NAP1L1: variants seen among roughly 807,000 people sequenced by gnomAD.
NAP1L1 encodes nucleosome assembly protein 1 like 1, also known as nucleosome assembly protein 1-like 1.
In NAP1L1, 9 loss-of-function variants were observed where a neutral mutation model predicts 58.9. That is an observed-to-expected ratio of 0.15 (90% confidence interval 0.09 to 0.27). The LOEUF (loss-of-function observed/expected upper bound fraction) is 0.27. NAP1L1 is among the 10% of genes least tolerant of loss of function. The pLI is 1.00. For missense variants in NAP1L1, 302 were observed against 458.8 expected, an observed-to-expected ratio of 0.66 and a Z score of 3.12; for synonymous variants, 130 against 138.3, an observed-to-expected ratio of 0.94 and a Z score of 0.42.
In NAP1L1 at chr12:76,060,118, AAAG is replaced by A. The variant is rs1363893947; in HGVS notation, c.348+17_348+19del. ...CGTCTTCTAGAATGTTAAATTAAAC[AAAG>A]TAGGAGAAAGCATTACCTTATCAAA... On this transcript the variant is annotated intron_variant, in intron 5 of 14. Transcript: ENST00000618691. The A allele has an allele frequency of 6.3e-7, 1 of 1,593,456 alleles. No individual in the cohort carries two copies. The highest frequency in any genetic ancestry group is 8.5e-7 in the Non-Finnish European group (1 of 1,175,374).
At chr12:76,081,994 A>G (rs953586669) in intron 1 of NAP1L1, among the ~76,000 whole-genome samples, 1 of 152,192 alleles carries the variant, frequency 6.6e-6, no homozygotes, top group Non-Finnish European at 1.5e-5. Context: ...TGCTCATGAC[A>G]TAAGATACAT....
At position 76,057,780 on chromosome 12, in the gene NAP1L1, T is replaced by C. The variant is rs765218441; in HGVS notation, c.430-1619A>G. On this transcript the variant is annotated intron_variant, in intron 6 of 14. Coordinates refer to ENST00000618691, the MANE Select transcript of NAP1L1 (RefSeq NM_004537.7). ...CACCCAAACAAGAAGCTGGAATCTG[T>C]CAAGGTCAAGGAACAGCAGGGGAAG... 1.1e-5 allele frequency: 17 copies of C among 1,551,022 alleles called. 1 individual carries two copies. In the South Asian group the frequency reaches 1.9e-4, roughly 17 times the overall value.
chr12:76,058,772 G>A (rs1374093213), intron 6 of NAP1L1, among the ~76,000 whole-genome samples: 5 of 152,124 alleles, frequency 3.3e-5, no homozygotes, highest in African/African-American at 7.2e-5. Context: ...ATCTAAAGCT[G>A]AGTGATTTTT....
At chr12:76,059,977 A>T (rs1949328375) in intron 5 of NAP1L1, 99 bp from the exon 6 acceptor site, 1 of 1,202,922 alleles carries the variant, frequency 8.3e-7, no homozygotes, top group Non-Finnish European at 1.2e-6. Flanking sequence ...TAACAAATGC[A>T]TACCACAACT....
At chr12:76,066,912 G>A (rs182357588) in intron 4 of NAP1L1, among the ~76,000 whole-genome samples, 7 of 151,948 alleles carry the variant, frequency 4.6e-5, no homozygotes, top group Admixed American at 6.6e-5. Context: ...AAAACACAGC[G>A]AACACATACC....
intron 6 of NAP1L1, chr12:76,057,770 C>T: frequency 1.3e-6 from 2 of 1,550,700 alleles, no homozygotes; most frequent in South Asian, 1.2e-5. Flanking sequence ...AAACAAGAAG[C>T]TGGAATCTGT....
chr12:76,076,731 C>A (rs1950197060), intron 1 of NAP1L1, among the ~76,000 whole-genome samples: 1 of 151,922 alleles, frequency 6.6e-6, no homozygotes, highest in Admixed American at 6.6e-5. Flanking sequence ...CCATTACAGT[C>A]ATGTGTGGAT....
At chr12:76,081,905 G>C (rs1199177158) in intron 1 of NAP1L1, among the ~76,000 whole-genome samples, 3 of 152,104 alleles carry the variant, frequency 2.0e-5, no homozygotes, top group Admixed American at 6.5e-5. Flanking sequence ...ATTACTCTTT[G>C]ACCCCTTTAC....
chr12:76,053,680 T>C (rs1948943836), intron 9 of NAP1L1, 90 bp downstream of exon 9: 1 of 1,428,534 alleles, frequency 7.0e-7, no homozygotes, highest in South Asian at 1.3e-5. Context: ...ACAGACTATG[T>C]ACATATGTAA....
intron 2 of NAP1L1, chr12:76,073,988 T>G: frequency 2.2e-6 from 1 of 450,468 alleles, no homozygotes; most frequent in South Asian, 4.5e-5. Context: ...AATGGTTTAG[T>G]ATATACGATG....
intron 2 of NAP1L1, 139 bp from the exon 3 acceptor site, chr12:76,069,133 T>C (rs1253880738): frequency 4.7e-6 from 3 of 644,152 alleles, no homozygotes; most frequent in African/African-American, 3.6e-5. Context: ...AATTCCGTTT[T>C]CTAACTTCAT....
In NAP1L1 at chr12:76,060,133, A is replaced by G. The variant is rs963831759; in HGVS notation, c.348+5T>C. On this transcript the variant is annotated splice_donor_5th_base_variant and intron_variant, in intron 5 of 14. Coordinates refer to ENST00000618691, the MANE Select transcript of NAP1L1 (RefSeq NM_004537.7). Reference sequence around the variant, plus strand: ...TAAATTAAACAAAGTAGGAGAAAGCATTACCTTATCAAATAGAGGCTGATA... The same window carrying G: ...TAAATTAAACAAAGTAGGAGAAAGCGTTACCTTATCAAATAGAGGCTGATA... 1 of 1,610,726 alleles carries G rather than the reference A, an allele frequency of 6.2e-7. No individual in the cohort carries two copies. The highest frequency in any genetic ancestry group is 8.5e-7 in the Non-Finnish European group (1 of 1,178,658).
At chr12:76,078,195 G>C (rs752240837) in intron 1 of NAP1L1, among the ~76,000 whole-genome samples, 2 of 151,958 alleles carry the variant, frequency 1.3e-5, no homozygotes, top group Non-Finnish European at 2.9e-5. Context: ...TTTAACCAAA[G>C]TTAAAATTCT....
chr12:76,053,787 T>C lies in NAP1L1; in HGVS notation c.753A>G (p.Glu251=), dbSNP rs1388992704. 1 of 1,609,180 alleles carries C rather than the reference T, an allele frequency of 6.2e-7. No homozygotes were observed. The highest frequency in any genetic ancestry group is 8.5e-7 in the Non-Finnish European group (1 of 1,178,872). Reference sequence around the variant, plus strand: ...AAACTCACCCTGTACAACCCATAATTTCTGGTCCATCAAAAGAAAAGGGAT... The same window carrying C: ...AAACTCACCCTGTACAACCCATAATCTCTGGTCCATCAAAAGAAAAGGGAT... ...DSDPFSFDGP[E]IMGCTGCQID... The change falls in exon 9 of 15, where the codon GAA becomes GAG. Residue 251 remains glutamate, a synonymous_variant. Transcript: ENST00000618691.
At chr12:76,050,410 TA>T (rs1274719058) in intron 12 of NAP1L1, 120 bp downstream of exon 12, 2 of 1,240,590 alleles carry the variant, frequency 1.6e-6, no homozygotes, top group Non-Finnish European at 2.2e-6. Flanking sequence ...AGAACATCAG[TA>T]ATTAGCCTAA....
Position 76,043,835 on chromosome 12 carries a change from C to G in NAP1L1, c.*4594G>C, listed in dbSNP as rs1948573539. On this transcript the variant is annotated 3_prime_UTR_variant, in exon 15 of 15. Coordinates refer to ENST00000618691, the MANE Select transcript of NAP1L1 (RefSeq NM_004537.7). ...CTTCTGGTAGCAACTATTTTACAAC[C>G]TCATGAAATTTACCAGAGCCGCAAT... The G allele has an allele frequency of 6.6e-6, 1 of 152,116 alleles. No individual in the cohort carries two copies. Among genetic ancestry groups the G allele is most frequent in the Non-Finnish European group, 1.5e-5 (1 of 68,034 alleles). 9.4% of individuals were successfully genotyped at this position (152,116 alleles called of 1,614,324 possible).
intron 1 of NAP1L1, among the ~76,000 whole-genome samples, chr12:76,081,459 G>A (rs1008725784): frequency 6.6e-6 from 1 of 152,100 alleles, no homozygotes; most frequent in Admixed American, 6.5e-5. Flanking sequence ...ACTCTAGACA[G>A]GTGTGGTGGC....
chr12:76,081,239 CG>C (rs35664790), intron 1 of NAP1L1, among the ~76,000 whole-genome samples: 5 of 152,172 alleles, frequency 3.3e-5, no homozygotes, highest in African/African-American at 1.2e-4. Flanking sequence ...TACGTAACCA[CG>C]GACGGGTTAT....
Position 76,042,100 on chromosome 12 carries a change from T to C in NAP1L1, c.*6329A>G, listed in dbSNP as rs1018541911. On this transcript the variant is annotated 3_prime_UTR_variant, in exon 15 of 15. Coordinates refer to ENST00000618691, the MANE Select transcript of NAP1L1 (RefSeq NM_004537.7). ...CATAAAATCTTCAAAACGAGGCATA[T>C]GTTTAATTTTATTATCCAGTCTTAG... 1 of 152,180 alleles carries C rather than the reference T, an allele frequency of 6.6e-6. No homozygotes were observed. The highest frequency in any genetic ancestry group is 1.5e-5 in the Non-Finnish European group (1 of 68,036). The allele number at this position is 152,180 out of a possible 1,614,324, so 9.4% of individuals were successfully genotyped here. A position where few individuals can be genotyped will look rare whatever the true frequency, so the allele number is the denominator to read the frequency against.
Sources: allele counts gnomAD v4.1 joint callset (sites outside exome capture counted in the v4.1 genomes callset), GRCh38; gene constraint gnomAD v4.1.1; transcripts MANE v1.5; gene names NCBI Gene and HGNC (gene_info 2026-07-23, HGNC 2026-07-21).